The following KCNMA1 variants were observed in gnomAD, a reference collection of about 807,000 sequenced individuals.
KCNMA1 encodes the protein Calcium-activated potassium channel subunit alpha-1.
KCNMA1 carries 29 observed loss-of-function variants against 140.0 expected under a neutral mutation model. The observed-to-expected ratio is 0.21, with a 90% CI of 0.15 to 0.28. The LOEUF (loss-of-function observed/expected upper bound fraction) is 0.28. KCNMA1 is among the 10% of genes least tolerant of loss of function. KCNMA1 has a pLI of 1.00. For synonymous variants in KCNMA1, 612 were observed against 611.9 expected, an observed-to-expected ratio of 1.00 and a Z score of 0.00; for missense variants, 880 against 1,602.2, an observed-to-expected ratio of 0.55 and a Z score of 7.70.
chr10:77,190,828 G>T (rs1287513432), intron 3 of KCNMA1, among the ~76,000 whole-genome samples: 1 of 152,080 alleles, frequency 6.6e-6, no homozygotes, highest in Non-Finnish European at 1.5e-5. Context: ...TGCTTATAGA[G>T]GGATAACTCC....
intron 3 of KCNMA1, among the ~76,000 whole-genome samples, chr10:77,190,097 A>T (rs527432249): frequency 6.6e-6 from 1 of 152,172 alleles, no homozygotes; most frequent in South Asian, 2.1e-4. Context: ...TCAACTGCTG[A>T]TTACTCTTTG....
chr10:76,884,940 G>A lies in KCNMA1; in HGVS notation c.*2326C>T, dbSNP rs199764115. 6.6e-7 allele frequency: 1 copy of A among 1,517,624 alleles called. No homozygotes were observed. The highest frequency in any genetic ancestry group is 1.3e-5 in the South Asian group (1 of 76,308). The allele number at this position is 1,517,624 out of a possible 1,614,324, so 94.0% of individuals were successfully genotyped here. Reference sequence around the variant, plus strand: ...TTTTCACAAGGACAACGTTATAGAAGAAAACCCCCAGCAGTGGCTAGGTCA... The same window carrying A: ...TTTTCACAAGGACAACGTTATAGAAAAAAACCCCCAGCAGTGGCTAGGTCA... On this transcript the variant is annotated 3_prime_UTR_variant, in exon 28 of 28. Transcript: ENST00000286628.
intron 1 of KCNMA1, among the ~76,000 whole-genome samples, chr10:77,500,191 A>T (rs187785636): frequency 6.6e-5 from 10 of 151,286 alleles, no homozygotes; most frequent in Admixed American, 3.3e-4. Context: ...AAAGGCCAAA[A>T]CATATTAGTT....
At position 76,887,322 on chromosome 10, in the gene KCNMA1, G is replaced by A; in HGVS notation, c.3655C>T (p.Pro1219Ser). The part of the protein sequence containing the change: ...IPSTANRQNR[P>S]KSRESRDKQK... ...TTGTCCCGGGACTCCCTGGACTTGG[G>A]CCGGTTCTGTCGGTTTGCTGTGGAT... The change falls in exon 28 of 28, where the codon CCC becomes TCC. Residue 1219 changes from proline (P) to serine (S), a missense_variant. Physicochemically the swap from Pro to Ser is moderately conservative, Grantham distance 74. Coordinates refer to ENST00000286628, the MANE Select transcript of KCNMA1 (RefSeq NM_001161352.2). 6.2e-7 allele frequency: 1 copy of A among 1,614,090 alleles called. No individual in the cohort carries two copies. Among genetic ancestry groups the A allele is most frequent in the Non-Finnish European group, 8.5e-7 (1 of 1,180,006 alleles).
At chr10:77,575,124 T>C (rs1240545936) in intron 1 of KCNMA1, among the ~76,000 whole-genome samples, 1 of 152,140 alleles carries the variant, frequency 6.6e-6, no homozygotes, top group African/African-American at 2.4e-5. Context: ...TGGGTAAATA[T>C]TTCTCTAAAC....
At chr10:77,410,422 T>C (rs1474736531) in intron 1 of KCNMA1, among the ~76,000 whole-genome samples, 2 of 152,192 alleles carry the variant, frequency 1.3e-5, no homozygotes, top group African/African-American at 2.4e-5. Flanking sequence ...CCAGGGCCCC[T>C]CCCTGCTGCC....
At chr10:77,289,659 C>CTTTTG (rs76472675) in intron 2 of KCNMA1, among the ~76,000 whole-genome samples, 2 of 152,032 alleles carry the variant, frequency 1.3e-5, no homozygotes, top group Admixed American at 1.3e-4. Context: ...CCATGTAAGA[C>CTTTTG]TTTTGTTTTG....
rs1182716398 is a variant in KCNMA1, at chr10:77,637,246, C to T, written c.378+19G>A. The T allele has an allele frequency of 1.3e-6, 2 of 1,578,420 alleles. No homozygotes were observed. Among genetic ancestry groups the T allele is most frequent in the East Asian group, 2.3e-5 (1 of 42,722 alleles). ...CGGTGGGGCTGGCGCAGAGGGCGGGCGCCCGGGGCGCGCGTTACCTTCGTC... is the reference window on the plus strand; with the variant it reads ...CGGTGGGGCTGGCGCAGAGGGCGGGTGCCCGGGGCGCGCGTTACCTTCGTC... On this transcript the variant is annotated intron_variant, in intron 1 of 27. Transcript: ENST00000286628.
chr10:76,924,800 A>C (rs974253735), intron 23 of KCNMA1, among the ~76,000 whole-genome samples: 1 of 152,284 alleles, frequency 6.6e-6, no homozygotes, highest in East Asian at 1.9e-4. Context: ...GAGCTACTCA[A>C]TCTCAGAGCA....
chr10:77,540,594 T>G (rs2059943672), intron 1 of KCNMA1, among the ~76,000 whole-genome samples: 1 of 152,272 alleles, frequency 6.6e-6, no homozygotes, highest in Non-Finnish European at 1.5e-5. Flanking sequence ...TGCATTTTAA[T>G]GACTGTCAGG....
rs937281253 is a variant in KCNMA1, at chr10:76,934,157, A to C, written c.2902+10616T>G. ...CAGGCTTATTTTTGTACTTTAATAG[A>C]GATGGGGTTTCACCATGTTAGCCAG... On this transcript the variant is annotated intron_variant, in intron 23 of 27. Coordinates refer to ENST00000286628, the MANE Select transcript of KCNMA1 (RefSeq NM_001161352.2). Among the ~76,000 whole-genome samples the C allele has an allele frequency of 4.6e-5, 7 of 152,066 alleles. No individual in the cohort carries two copies. In the South Asian group the frequency reaches 1.2e-3, roughly 27 times the overall value.
chr10:77,201,512 G>T (rs2042459163), intron 3 of KCNMA1, among the ~76,000 whole-genome samples: 1 of 152,176 alleles, frequency 6.6e-6, no homozygotes, highest in African/African-American at 2.4e-5. Context: ...TCAGGGAGAT[G>T]CTCCAGGCAG....
chr10:77,307,649 C>A (rs1007701539), intron 2 of KCNMA1, among the ~76,000 whole-genome samples: 1 of 152,142 alleles, frequency 6.6e-6, no homozygotes, highest in Non-Finnish European at 1.5e-5. Context: ...CAGGTTCAGG[C>A]CATTCTCCTG....
chr10:77,358,382 C>A (rs535425204), intron 2 of KCNMA1, among the ~76,000 whole-genome samples: 1 of 152,268 alleles, frequency 6.6e-6, no homozygotes, highest in African/African-American at 2.4e-5. Context: ...AAATATGTCT[C>A]AAAGCATCTC....
In KCNMA1 at chr10:76,885,893, A is replaced by G. The variant is rs2036676944; in HGVS notation, c.*1373T>C. On this transcript the variant is annotated 3_prime_UTR_variant, in exon 28 of 28. Transcript: ENST00000286628. ...AACTATACCAAAATGTGTTTGGCTC[A>G]CTGTTGCACTCTTCTTATCCCACGT... 1 of 985,386 alleles carries G rather than the reference A, an allele frequency of 1.0e-6. No homozygotes were observed. The highest frequency in any genetic ancestry group is 1.2e-6 in the Non-Finnish European group (1 of 829,876). 61.0% of individuals were successfully genotyped at this position (985,386 alleles called of 1,614,324 possible). A position where few individuals can be genotyped will look rare whatever the true frequency, so the allele number is the denominator to read the frequency against.
At chr10:77,472,203 CACACACACACT>C (rs1397424584) in intron 1 of KCNMA1, among the ~76,000 whole-genome samples, 2 of 151,860 alleles carry the variant, frequency 1.3e-5, no homozygotes, top group Non-Finnish European at 2.9e-5. Flanking sequence ...ATACACCACA[CACACACACACT>C]ACACACACAC....
At chr10:77,074,798 T>C (rs781299989) in intron 13 of KCNMA1, among the ~76,000 whole-genome samples, 20 of 152,156 alleles carry the variant, frequency 1.3e-4, no homozygotes, top group Non-Finnish European at 2.6e-4. Flanking sequence ...CACTAGGAGG[T>C]TGAATCAGAG....
At chr10:77,299,750 C>T (rs952944360) in intron 2 of KCNMA1, among the ~76,000 whole-genome samples, 3 of 152,192 alleles carry the variant, frequency 2.0e-5, no homozygotes, top group Admixed American at 6.5e-5. Context: ...GTTCAGCCTA[C>T]ACTCCCCTTT....
intron 1 of KCNMA1, among the ~76,000 whole-genome samples, chr10:77,582,640 G>C (rs963930290): frequency 6.6e-6 from 1 of 152,186 alleles, no homozygotes; most frequent in African/African-American, 2.4e-5. Flanking sequence ...TAAATCCGCT[G>C]CTCTAAAATC....
Sources: allele counts gnomAD v4.1 joint callset (sites outside exome capture counted in the v4.1 genomes callset), GRCh38; gene constraint gnomAD v4.1.1; transcripts MANE v1.5; gene names NCBI Gene and HGNC (gene_info 2026-07-23, HGNC 2026-07-21).